Variants in ELP4 observed in about 807,000 individuals in gnomAD.
ELP4 encodes elongator complex protein 4.
In ELP4, 51 loss-of-function variants were observed where a neutral mutation model predicts 48.9. The observed-to-expected ratio is 1.04, with a 90% CI of 0.83 to 1.32. The LOEUF is 1.32. ELP4 is among the 40% of genes most tolerant of loss of function. The pLI is 0.00. For missense variants in ELP4, 519 were observed against 514.6 expected (o/e 1.01, Z -0.08); for synonymous variants, 210 against 189.2 (o/e 1.11, Z -0.90).
intron 1 of ELP4, chr11:31,511,923 A>G (rs1956017049): frequency 6.6e-6 from 1 of 152,230 alleles, no homozygotes; most frequent in Non-Finnish European, 1.5e-5. Context: ...GATGGTAGAA[A>G]CAGTATTGGT....
At chr11:31,644,616 T>G (rs919832958) in intron 7 of ELP4, among the ~76,000 whole-genome samples, 2 of 151,728 alleles carry the variant, frequency 1.3e-5, no homozygotes, top group Non-Finnish European at 2.9e-5. Flanking sequence ...CTTTTATGGG[T>G]TTTTTAAGCT....
At chr11:31,676,452 G>C (rs1326241737) in intron 9 of ELP4, among the ~76,000 whole-genome samples, 2 of 152,042 alleles carry the variant, frequency 1.3e-5, no homozygotes, top group Non-Finnish European at 2.9e-5. Context: ...CCTGTACTAG[G>C]ATGTAGGTTT....
chr11:31,632,443 G>C, intron 7 of ELP4, 38 bp downstream of exon 7: 3 of 1,504,824 alleles, frequency 2.0e-6, no homozygotes, highest in Non-Finnish European at 2.7e-6. Context: ...ATAATTCATA[G>C]TAATATAGTA....
chr11:31,537,944 A>T lies in ELP4; in HGVS notation c.260-1718A>T, dbSNP rs1172655913. ...CTGGAATTTTTATTGGGATTCCATT[A>T]AATCTACAGATCAGTTTGAAGATTT... On this transcript the variant is annotated intron_variant, in intron 2 of 9. Transcript: ENST00000640961. Among the ~76,000 whole-genome samples, 6 of 152,200 alleles carry T rather than the reference A, an allele frequency of 3.9e-5. No individual in the cohort carries two copies. The South Asian group carries it at 1.0e-3, about 26-fold the overall frequency.
In ELP4 at chr11:31,647,827, C is replaced by A. The variant is rs749321679; in HGVS notation, c.1014C>A (p.Asn338Lys). Residue 338 changes from asparagine to lysine, a missense_variant, in exon 8 of 10, where the codon AAC becomes AAA. Coordinates refer to ENST00000640961, the MANE Select transcript of ELP4 (RefSeq NM_019040.5). ...ESFIGSERET[N>K]PLYKDYHGLI... ...TTATTGGTTCTGAGAGAGAAACTAA[C>A]CCATTGTATAAGGATTATCATGGTA... 1.9e-6 allele frequency: 3 copies of A among 1,599,658 alleles called. No individual in the cohort carries two copies. Among genetic ancestry groups the A allele is most frequent in the Non-Finnish European group, 2.6e-6 (3 of 1,168,086 alleles).
chr11:31,730,688 T>C (rs1947167181), intron 9 of ELP4, among the ~76,000 whole-genome samples: 1 of 152,064 alleles, frequency 6.6e-6, no homozygotes, highest in South Asian at 2.1e-4. Flanking sequence ...GTGCTACTGC[T>C]CAAGAAACTG....
chr11:31,726,444 T>G (rs1374307194), intron 9 of ELP4, among the ~76,000 whole-genome samples: 1 of 152,122 alleles, frequency 6.6e-6, no homozygotes, highest in African/African-American at 2.4e-5. Context: ...TAAGCAATAT[T>G]GGGATCATTT....
chr11:31,744,226 G>T (rs1200229731), intron 9 of ELP4, among the ~76,000 whole-genome samples: 1 of 152,058 alleles, frequency 6.6e-6, no homozygotes, highest in African/African-American at 2.4e-5. Flanking sequence ...CCAATAACAG[G>T]CTCTGAAATT....
chr11:31,785,402 A>C lies in ELP4; in HGVS notation c.*1878A>C, dbSNP rs1948537875. The stretch of plus-strand genomic sequence containing the variant: ...TGTAAATTGCTTGTCAAAATACTTA[A>C]TAGGTCATTGATATACTTCCCTGGC... On this transcript the variant is annotated 3_prime_UTR_variant, in exon 10 of 10. Coordinates refer to ENST00000640961, the MANE Select transcript of ELP4 (RefSeq NM_019040.5). The C allele has an allele frequency of 5.4e-6, 1 of 186,800 alleles. No individual in the cohort carries two copies. The highest frequency in any genetic ancestry group is 2.3e-5 in the African/African-American group (1 of 42,774). The allele number at this position is 186,800 out of a possible 1,614,324, so 11.6% of individuals were successfully genotyped here. A position where few individuals can be genotyped will look rare whatever the true frequency, so the allele number is the denominator to read the frequency against.
Position 31,675,979 on chromosome 11 carries a change from CTT to C in ELP4, c.1143+25761_1143+25762del, listed in dbSNP as rs1945918740. 3.9e-5 allele frequency among the ~76,000 whole-genome samples: 6 copies of C among 152,256 alleles called. No homozygotes were observed. The South Asian group carries it at 1.0e-3, about 26-fold the overall frequency. On this transcript the variant is annotated intron_variant, in intron 9 of 9. Coordinates refer to ENST00000640961, the MANE Select transcript of ELP4 (RefSeq NM_019040.5). ...TCATACAGTAGCCAAGAGGATGATTCTTTTAAAACATGAGACAGATCATGTCA... is the reference window on the plus strand; with the variant it reads ...TCATACAGTAGCCAAGAGGATGATTCTTAAAACATGAGACAGATCATGTCA...
intron 9 of ELP4, among the ~76,000 whole-genome samples, chr11:31,769,337 C>T (rs1209652367): frequency 1.3e-5 from 2 of 152,030 alleles, no homozygotes; most frequent in East Asian, 3.9e-4. Context: ...TTGTGTACAG[C>T]CAAAAGGAAA....
At chr11:31,741,115 C>A (rs2134219282) in intron 9 of ELP4, among the ~76,000 whole-genome samples, 1 of 152,238 alleles carries the variant, frequency 6.6e-6, no homozygotes, top group Middle Eastern at 3.4e-3. Context: ...CTCGGAGGGT[C>A]CTACGCCCAT....
intron 4 of ELP4, chr11:31,600,438 A>G (rs1273233410): frequency 6.6e-6 from 1 of 152,146 alleles, no homozygotes; most frequent in African/African-American, 2.4e-5. Flanking sequence ...ATTCTCATCA[A>G]ACATTGACTT....
intron 5 of ELP4, among the ~76,000 whole-genome samples, chr11:31,624,981 C>T (rs1271974643): frequency 6.6e-6 from 1 of 151,208 alleles, no homozygotes; most frequent in African/African-American, 2.4e-5. Context: ...TCTGGACTAC[C>T]TCCTGAAGGA....
chr11:31,641,464 A>C (rs554492217), intron 7 of ELP4, among the ~76,000 whole-genome samples: 6 of 152,082 alleles, frequency 3.9e-5, no homozygotes, highest in African/African-American at 1.4e-4. Flanking sequence ...TTAAATTACA[A>C]GATAAATAAT....
intron 2 of ELP4, among the ~76,000 whole-genome samples, chr11:31,526,736 A>G (rs1029575262): frequency 6.6e-6 from 1 of 151,874 alleles, no homozygotes; most frequent in African/African-American, 2.4e-5. Flanking sequence ...TTTAAATTTC[A>G]TCTCATTCTA....
chr11:31,779,626 T>A (rs1948326774), intron 9 of ELP4: 1 of 152,246 alleles, frequency 6.6e-6, no homozygotes, highest in Non-Finnish European at 1.5e-5. Context: ...GACCCTGGGC[T>A]TCCCATGGGC....
intron 3 of ELP4, 108 bp from the exon 4 acceptor site, chr11:31,594,662 A>G: frequency 4.7e-6 from 3 of 643,000 alleles, no homozygotes; most frequent in Non-Finnish European, 7.3e-6. Context: ...AATGTTAGTC[A>G]TGAATTTTCA....
At chr11:31,706,581 AATG>A (rs1052532598) in intron 9 of ELP4, among the ~76,000 whole-genome samples, 4 of 147,988 alleles carry the variant, frequency 2.7e-5, no homozygotes, top group African/African-American at 7.3e-5. Flanking sequence ...ATTAATAATT[AATG>A]ATATATTTAA....
Sources: gnomAD v4.1 joint callset for allele counts (sites outside exome capture counted in the v4.1 genomes callset) on GRCh38, gnomAD v4.1.1 for gene constraint, MANE v1.5 for transcripts, NCBI Gene and HGNC (gene_info 2026-07-23, HGNC 2026-07-21) for gene names.